MAP3K5: variants seen among roughly 807,000 people sequenced by gnomAD.
MAP3K5 encodes the protein mitogen-activated protein kinase kinase kinase 5.
A neutral mutation model predicts 158.7 loss-of-function variants in MAP3K5; 56 were observed. The ratio of observed to expected loss-of-function variants is 0.35; its 90% confidence interval spans 0.28 to 0.44. MAP3K5 has a LOEUF of 0.44. Ranked by LOEUF, MAP3K5 falls within the 20% of genes least tolerant of loss-of-function variation. The pLI, the probability that MAP3K5 is intolerant of heterozygous loss-of-function variation, is 1.00. For synonymous variants in MAP3K5, 579 were observed against 601.7 expected, an observed-to-expected ratio of 0.96 and a Z score of 0.55; for missense variants, 1,294 against 1,674.8, an observed-to-expected ratio of 0.77 and a Z score of 3.97.
Position 136,577,125 on chromosome 6 carries a change from C to T in MAP3K5, c.3517+3176G>A, listed in dbSNP as rs537324235. Among the ~76,000 whole-genome samples, 10 of 152,230 alleles carry T rather than the reference C, an allele frequency of 6.6e-5. No homozygotes were observed. In the East Asian group the frequency reaches 9.6e-4, roughly 15 times the overall value. On this transcript the variant is annotated intron_variant, in intron 25 of 29. Coordinates refer to ENST00000359015, the MANE Select transcript of MAP3K5 (RefSeq NM_005923.4). The stretch of plus-strand genomic sequence containing the variant: ...CTTTTTAAAATTTGTGGTCTTCTTT[C>T]GCATGTCTTCTGAAATGGCAGGTTA...
chr6:136,655,219 A>T (rs1778691310), intron 10 of MAP3K5, among the ~76,000 whole-genome samples: 1 of 152,224 alleles, frequency 6.6e-6, no homozygotes, highest in African/African-American at 2.4e-5. Context: ...TCAATTAAAT[A>T]CCTGAATTCT....
At chr6:136,557,964 T>A in intron 29 of MAP3K5, 146 bp from the exon 30 acceptor site, 1 of 621,132 alleles carries the variant, frequency 1.6e-6, no homozygotes, top group South Asian at 1.9e-5. Context: ...TCTTTTTGTA[T>A]ATTTTTTCTC....
chr6:136,792,734 C>G (rs1785145942), upstream of MAP3K5, among the ~76,000 whole-genome samples: 1 of 152,226 alleles, frequency 6.6e-6, no homozygotes, highest in Admixed American at 6.5e-5. This position sits in a 1 kb window ranked among gnomAD's most constrained non-coding sequence, Gnocchi z 5.7. Context: ...CGGCAGCTCG[C>G]CTTCATCGGG....
chr6:136,671,311 T>A (rs528169496), intron 7 of MAP3K5, among the ~76,000 whole-genome samples: 1 of 152,196 alleles, frequency 6.6e-6, no homozygotes, highest in African/African-American at 2.4e-5. Flanking sequence ...TGTTTTTCTG[T>A]TACCACAAAC....
At chr6:136,564,768 A>G (rs942812481) in intron 26 of MAP3K5, among the ~76,000 whole-genome samples, 1 of 152,246 alleles carries the variant, frequency 6.6e-6, no homozygotes, top group Non-Finnish European at 1.5e-5. Context: ...TGGACAAACT[A>G]TAACTTAACA....
intron 1 of MAP3K5, among the ~76,000 whole-genome samples, chr6:136,737,031 G>GTATATATATATATATA: frequency 1.5e-5 from 1 of 67,446 alleles, no homozygotes; most frequent in Non-Finnish European, 3.0e-5. Context: ...ATATATATAT[G>GTATATATATATATATA]TGTGTGTATA....
At chr6:136,642,030 AAAAATAAAATAAAATAAAATAAAAT>A (rs57982866) in intron 12 of MAP3K5, among the ~76,000 whole-genome samples, 17 of 119,326 alleles carry the variant, frequency 1.4e-4, no homozygotes, top group African/African-American at 3.5e-4. Context: ...AAAATAAAAT[AAAAATAAAATAAAATAAAATAAAAT>A]AAAATAAAAT....
chr6:136,791,725 G>C lies in MAP3K5; in HGVS notation c.433C>G (p.Arg145Gly). 6.2e-7 allele frequency: 1 copy of C among 1,613,236 alleles called. No individual in the cohort carries two copies. Among genetic ancestry groups the C allele is most frequent in the Non-Finnish European group, 8.5e-7 (1 of 1,180,012 alleles). Residue 145 changes from arginine (R) to glycine (G), a missense_variant, in exon 1 of 30, where the codon CGC (arginine) becomes GGC (glycine). Physicochemically the swap from Arg to Gly is moderately radical, Grantham distance 125. This residue lies in a region of MAP3K5 where 690 missense variants were observed against 870.5 expected (regional missense o/e 0.79). Coordinates refer to ENST00000359015, the MANE Select transcript of MAP3K5 (RefSeq NM_005923.4). The stretch of plus-strand genomic sequence containing the variant: ...ACACACGCACCTGCATTGTAAAAGC[G>C]GTCCAGCACGGTGGTTTCTCCAAAG... Reference protein sequence around the residue: ...LDFGETTVLDRFYNADIAVVE... With the variant: ...LDFGETTVLDGFYNADIAVVE...
intron 8 of MAP3K5, among the ~76,000 whole-genome samples, chr6:136,662,557 CTT>C (rs1298507125): frequency 6.6e-6 from 1 of 151,792 alleles, no homozygotes; most frequent in Non-Finnish European, 1.5e-5. Context: ...CTCTCTCTTC[CTT>C]TCTCTCTCTC....
intron 21 of MAP3K5, 77 bp from the exon 22 acceptor site, chr6:136,592,691 G>T: frequency 8.3e-7 from 1 of 1,202,476 alleles, no homozygotes; most frequent in Non-Finnish European, 1.2e-6. Flanking sequence ...CATTGAAAGA[G>T]GCCATATTCT....
In MAP3K5 at chr6:136,756,278, T is replaced by C. The variant is rs115438033; in HGVS notation, c.448+35432A>G. Among the ~76,000 whole-genome samples, 1,179 of 152,164 alleles carry C rather than the reference T, an allele frequency of 7.7e-3. 18 individuals are homozygous for C. The highest frequency in any genetic ancestry group is 0.026 in the African/African-American group (1,066 of 41,504). On this transcript the variant is annotated intron_variant, in intron 1 of 29. Transcript: ENST00000359015. Reference sequence around the variant, plus strand: ...CGTTGCAGTGAGCTGAGATGGTACCTCTGCACTCCAAACTGCATGACAGAG... The same window carrying C: ...CGTTGCAGTGAGCTGAGATGGTACCCCTGCACTCCAAACTGCATGACAGAG...
Position 136,736,719 on chromosome 6 carries a change from C to T in MAP3K5, c.449-16130G>A, listed in dbSNP as rs116043370. Among the ~76,000 whole-genome samples the T allele has an allele frequency of 9.0e-3, 1,376 of 152,144 alleles. 14 individuals carry two copies. Among genetic ancestry groups the T allele is most frequent in the African/African-American group, 0.03 (1,266 of 41,512 alleles). On this transcript the variant is annotated intron_variant, in intron 1 of 29. Coordinates refer to ENST00000359015, the MANE Select transcript of MAP3K5 (RefSeq NM_005923.4). The stretch of plus-strand genomic sequence containing the variant: ...AATGTTGTTGTTTTAGAGACAGAGT[C>T]TCACTCTGTCACTCAGGCTGGAGTG...
chr6:136,755,695 A>G (rs1357004557), intron 1 of MAP3K5, among the ~76,000 whole-genome samples: 2 of 151,776 alleles, frequency 1.3e-5, no homozygotes, highest in Non-Finnish European at 2.9e-5. Flanking sequence ...TCTCCAAAAA[A>G]AAAAAAAAAA....
intron 1 of MAP3K5, among the ~76,000 whole-genome samples, chr6:136,772,260 T>C: frequency 6.6e-6 from 1 of 152,062 alleles, no homozygotes; most frequent in Non-Finnish European, 1.5e-5. Flanking sequence ...CCTTAGTCCC[T>C]AGTAAAGTAA....
intron 1 of MAP3K5, among the ~76,000 whole-genome samples, chr6:136,774,818 AAG>A (rs1211036274): frequency 6.6e-6 from 1 of 152,232 alleles, no homozygotes; most frequent in Non-Finnish European, 1.5e-5. Context: ...AAGACAGAAA[AAG>A]AGACATGGAA....
intron 7 of MAP3K5, among the ~76,000 whole-genome samples, chr6:136,672,745 T>A (rs1779536976): frequency 6.6e-6 from 1 of 151,872 alleles, no homozygotes; most frequent in East Asian, 1.9e-4. Flanking sequence ...CTCCCAGCCC[T>A]TTGGGAGGAC....
chr6:136,581,784 A>T (rs1774890345), intron 24 of MAP3K5, among the ~76,000 whole-genome samples: 1 of 152,212 alleles, frequency 6.6e-6, no homozygotes. Flanking sequence ...TCATTTCTTT[A>T]AAAAATTTAC....
intron 1 of MAP3K5, among the ~76,000 whole-genome samples, chr6:136,738,150 G>T (rs550998972): frequency 6.6e-6 from 1 of 152,240 alleles, no homozygotes; most frequent in Non-Finnish European, 1.5e-5. Context: ...CATTTTTTGG[G>T]AACACTTTTC....
chr6:136,727,690 G>C (rs1454984013), intron 1 of MAP3K5, among the ~76,000 whole-genome samples: 1 of 152,260 alleles, frequency 6.6e-6, no homozygotes, highest in Non-Finnish European at 1.5e-5. Context: ...GCCAGGCGCA[G>C]TGGCTCACAC....
Sources: gnomAD v4.1 joint callset for allele counts (sites outside exome capture counted in the v4.1 genomes callset) on GRCh38, gnomAD v4.1.1 for gene constraint, gnomAD v4.1.1 regional missense constraint, Gnocchi (gnomAD v3.1) non-coding constraint, MANE v1.5 for transcripts, NCBI Gene and HGNC (gene_info 2026-07-23, HGNC 2026-07-21) for gene names.